ANKS1B: variants seen among roughly 807,000 people sequenced by gnomAD.
ANKS1B encodes the protein ankyrin repeat and sterile alpha motif domain containing 1B.
ANKS1B carries 36 observed loss-of-function variants against 148.3 expected under a neutral mutation model. That is an observed-to-expected ratio of 0.24 (90% CI 0.19 to 0.32). The LOEUF (loss-of-function observed/expected upper bound fraction) is 0.32, where lower values mean the gene tolerates loss of function less well. Ranked by LOEUF, ANKS1B falls within the 10% of genes least tolerant of loss-of-function variation. The probability of loss-of-function intolerance (pLI) is 1.00; values close to 1 mark genes in which losing one functional copy is unlikely to be tolerated. For synonymous variants in ANKS1B, 542 were observed against 560.8 expected, an observed-to-expected ratio of 0.97 and a Z score of 0.47; for missense variants, 1,157 against 1,542.6, an observed-to-expected ratio of 0.75 and a Z score of 4.19.
At chr12:99,237,220 T>C (rs1359952888) in intron 14 of ANKS1B, among the ~76,000 whole-genome samples, 1 of 152,148 alleles carries the variant, frequency 6.6e-6, no homozygotes, top group Non-Finnish European at 1.5e-5. Context: ...GGTGTGTTCC[T>C]GTGTGTTTGT....
At chr12:99,383,970 A>G (rs1256638480) in intron 12 of ANKS1B, among the ~76,000 whole-genome samples, 1 of 152,086 alleles carries the variant, frequency 6.6e-6, no homozygotes, top group African/African-American at 2.4e-5. Context: ...TGTAGGCTGC[A>G]GTGAGCTGTA....
intron 17 of ANKS1B, among the ~76,000 whole-genome samples, chr12:99,037,201 A>G (rs2153477962): frequency 6.6e-6 from 1 of 152,336 alleles, no homozygotes; most frequent in African/African-American, 2.4e-5. Context: ...TCTCAAGCCA[A>G]GGTAAACCAA....
At chr12:99,667,466 T>C (rs2098515100) in intron 8 of ANKS1B, among the ~76,000 whole-genome samples, 1 of 152,194 alleles carries the variant, frequency 6.6e-6, no homozygotes, top group South Asian at 2.1e-4. Context: ...CTTGCACACA[T>C]TTTAGGTCTA....
chr12:99,546,771 T>C (rs1267241195), intron 9 of ANKS1B, among the ~76,000 whole-genome samples: 1 of 151,876 alleles, frequency 6.6e-6, no homozygotes. Context: ...AAGGGAAAAA[T>C]AGTTAACTAT....
chr12:99,013,717 C>T (rs1196362031), intron 17 of ANKS1B, among the ~76,000 whole-genome samples: 12 of 152,090 alleles, frequency 7.9e-5, no homozygotes, highest in African/African-American at 9.7e-5. Flanking sequence ...TATACACCAA[C>T]AACAGTCAAG....
At chr12:99,193,405 A>T (rs974267853) in intron 14 of ANKS1B, among the ~76,000 whole-genome samples, 1 of 150,984 alleles carries the variant, frequency 6.6e-6, no homozygotes, top group African/African-American at 2.4e-5. Flanking sequence ...GGTCCTGGTA[A>T]GTTCCTTCCA....
chr12:98,800,196 G>A (rs1418646084), intron 21 of ANKS1B, among the ~76,000 whole-genome samples: 1 of 137,356 alleles, frequency 7.3e-6, no homozygotes. Context: ...TTTAGTAAAA[G>A]AGGGGCAGAA....
At chr12:99,425,204 T>C (rs1157276072) in intron 11 of ANKS1B, among the ~76,000 whole-genome samples, 1 of 151,954 alleles carries the variant, frequency 6.6e-6, no homozygotes, top group Non-Finnish European at 1.5e-5. Flanking sequence ...AATTTGCAAA[T>C]AATCTGTGTA....
At chr12:99,077,025 A>AC (rs755693177) in intron 16 of ANKS1B, among the ~76,000 whole-genome samples, 42 of 152,110 alleles carry the variant, frequency 2.8e-4, no homozygotes, top group Non-Finnish European at 5.0e-4. Flanking sequence ...TCTGTTTTGC[A>AC]CCCCCGGCAA....
chr12:99,027,304 G>C (rs2099949305), intron 17 of ANKS1B, among the ~76,000 whole-genome samples: 1 of 152,168 alleles, frequency 6.6e-6, no homozygotes, highest in South Asian at 2.1e-4. Context: ...TCTTTTGATA[G>C]ATCTATTTAA....
intron 8 of ANKS1B, among the ~76,000 whole-genome samples, chr12:99,771,340 C>T (rs184551093): frequency 2.6e-5 from 4 of 151,884 alleles, no homozygotes; most frequent in African/African-American, 7.2e-5. Flanking sequence ...ACTAATGGTA[C>T]GTACAACAAA....
intron 12 of ANKS1B, among the ~76,000 whole-genome samples, chr12:99,281,469 G>A (rs922367116): frequency 2.0e-5 from 3 of 150,596 alleles, no homozygotes; most frequent in African/African-American, 7.5e-5. Flanking sequence ...TGAAGCCATG[G>A]AGTCTAGCCC....
chr12:98,939,869 C>T (rs1176140617), intron 17 of ANKS1B, among the ~76,000 whole-genome samples: 1 of 152,202 alleles, frequency 6.6e-6, no homozygotes, highest in East Asian at 1.9e-4. Context: ...TTAATTGGTT[C>T]TTGACTTCAG....
intron 1 of ANKS1B, among the ~76,000 whole-genome samples, chr12:99,979,815 T>A (rs2095671922): frequency 6.6e-6 from 1 of 152,104 alleles, no homozygotes; most frequent in South Asian, 2.1e-4. Flanking sequence ...TAGCTGATTG[T>A]CATTGCGTGG....
intron 12 of ANKS1B, among the ~76,000 whole-genome samples, chr12:99,315,857 T>C (rs560547941): frequency 1.3e-5 from 2 of 152,156 alleles, no homozygotes; most frequent in African/African-American, 4.8e-5. Context: ...TGTGTGATGT[T>C]CCTCACTCTG....
At chr12:99,881,625 A>AAG (rs2153737843) in intron 1 of ANKS1B, among the ~76,000 whole-genome samples, 1 of 152,280 alleles carries the variant, frequency 6.6e-6, no homozygotes, top group South Asian at 2.1e-4. Flanking sequence ...ACACCTAACA[A>AAG]AGACTTGAGA....
intron 17 of ANKS1B, among the ~76,000 whole-genome samples, chr12:98,994,712 T>G (rs2099928517): frequency 6.6e-6 from 1 of 152,172 alleles, no homozygotes; most frequent in Non-Finnish European, 1.5e-5. Context: ...TCTCCTTGGT[T>G]TGCAGACGGC....
chr12:98,918,545 G>A (rs1415435534), intron 17 of ANKS1B, among the ~76,000 whole-genome samples: 1 of 152,170 alleles, frequency 6.6e-6, no homozygotes. Context: ...ATCCTATGAT[G>A]AATATCATTG....
chr12:99,482,545 G>GT (rs1363830381), intron 10 of ANKS1B, among the ~76,000 whole-genome samples: 1 of 151,884 alleles, frequency 6.6e-6, no homozygotes, highest in African/African-American at 2.4e-5. Flanking sequence ...TTTTAGAATG[G>GT]TTTTTTATAA....
Sources: allele counts gnomAD v4.1 joint callset (sites outside exome capture counted in the v4.1 genomes callset), GRCh38; gene constraint gnomAD v4.1.1; transcripts MANE v1.5; gene names NCBI Gene and HGNC (gene_info 2026-07-23, HGNC 2026-07-21).